Variants in CLSTN2 observed in about 807,000 individuals in gnomAD.
CLSTN2 encodes calsyntenin 2, also known as calsyntenin-2.
A neutral mutation model predicts 101.2 loss-of-function variants in CLSTN2; 48 were observed. The observed-to-expected ratio is 0.47, with a 90% CI of 0.38 to 0.60. The LOEUF (loss-of-function observed/expected upper bound fraction) is 0.60. Ranked by LOEUF, CLSTN2 falls within the 20% of genes least tolerant of loss-of-function variation. The probability of loss-of-function intolerance (pLI) is 0.00; values close to 1 mark genes in which losing one functional copy is unlikely to be tolerated. For synonymous variants in CLSTN2, 481 were observed against 463.6 expected (o/e 1.04, Z -0.48); for missense variants, 1,160 against 1,238.2 (o/e 0.94, Z 0.95).
At chr3:140,261,166 C>A (rs187112199) in intron 2 of CLSTN2, among the ~76,000 whole-genome samples, 2 of 151,110 alleles carry the variant, frequency 1.3e-5, no homozygotes, top group African/African-American at 2.4e-5. Context: ...GGGGGTTATG[C>A]ATTACCTTCT....
At chr3:140,015,414 G>A (rs898805419) in intron 1 of CLSTN2, among the ~76,000 whole-genome samples, 53 of 152,330 alleles carry the variant, frequency 3.5e-4, no homozygotes, top group African/African-American at 1.2e-3. Flanking sequence ...TCACCTGAGA[G>A]AGAGAGATGA....
At chr3:140,154,461 G>C (rs1053793919) in intron 1 of CLSTN2, among the ~76,000 whole-genome samples, 5 of 152,178 alleles carry the variant, frequency 3.3e-5, no homozygotes, top group African/African-American at 9.6e-5. Flanking sequence ...AGCTGGATTA[G>C]TCCATTTTCA....
chr3:140,012,978 G>T (rs911489915), intron 1 of CLSTN2, among the ~76,000 whole-genome samples: 2 of 152,182 alleles, frequency 1.3e-5, no homozygotes, highest in Middle Eastern at 3.4e-3. Flanking sequence ...AGCAGCTTTA[G>T]GGGGAAGAGG....
At chr3:140,396,794 T>G (rs112862044) in intron 2 of CLSTN2, among the ~76,000 whole-genome samples, 14 of 152,354 alleles carry the variant, frequency 9.2e-5, no homozygotes, top group African/African-American at 3.4e-4. Flanking sequence ...TGAGCCGCTC[T>G]GAGGCTGGGA....
intron 1 of CLSTN2, among the ~76,000 whole-genome samples, chr3:140,003,696 T>C (rs982285429): frequency 6.6e-6 from 1 of 152,214 alleles, no homozygotes; most frequent in Admixed American, 6.5e-5. Context: ...TGTTGAGGTA[T>C]GTTTCCTCTA....
chr3:140,411,610 A>G (rs1176514511), intron 4 of CLSTN2, among the ~76,000 whole-genome samples: 1 of 152,264 alleles, frequency 6.6e-6, no homozygotes, highest in Non-Finnish European at 1.5e-5. Flanking sequence ...AAACAGCAGC[A>G]GAATATACAG....
At chr3:140,262,527 T>G (rs1332969916) in intron 2 of CLSTN2, among the ~76,000 whole-genome samples, 2 of 152,158 alleles carry the variant, frequency 1.3e-5, no homozygotes, top group African/African-American at 4.8e-5. Context: ...GAAGTAATAT[T>G]GTTGATGGGG....
At chr3:140,331,589 C>T (rs939931279) in intron 2 of CLSTN2, among the ~76,000 whole-genome samples, 1 of 152,224 alleles carries the variant, frequency 6.6e-6, no homozygotes, top group African/African-American at 2.4e-5. Context: ...TTGACATCTT[C>T]ACCAAGGATA....
At chr3:140,451,924 G>A (rs922921253) in intron 6 of CLSTN2, among the ~76,000 whole-genome samples, 1 of 152,210 alleles carries the variant, frequency 6.6e-6, no homozygotes, top group Admixed American at 6.5e-5. Flanking sequence ...GGATATTAGA[G>A]CCATGGTCTA....
At chr3:139,936,991 C>A (rs1005444718) in intron 1 of CLSTN2, among the ~76,000 whole-genome samples, 2 of 150,966 alleles carry the variant, frequency 1.3e-5, no homozygotes, top group African/African-American at 4.9e-5. Flanking sequence ...AGGGATCAAG[C>A]TGAGAGACTG....
intron 10 of CLSTN2, among the ~76,000 whole-genome samples, chr3:140,553,541 C>T (rs927607586): frequency 6.6e-6 from 1 of 152,102 alleles, no homozygotes; most frequent in Admixed American, 6.6e-5. Context: ...TAAATTTTCC[C>T]AAACAGGCTA....
At chr3:140,421,340 G>A in intron 5 of CLSTN2, 66 bp downstream of exon 5, 1 of 1,567,982 alleles carries the variant, frequency 6.4e-7, no homozygotes, top group Non-Finnish European at 8.7e-7. Context: ...TGGTGTACTT[G>A]TCCTCAAATC....
intron 2 of CLSTN2, among the ~76,000 whole-genome samples, chr3:140,384,489 G>T (rs1250445801): frequency 6.6e-6 from 1 of 152,152 alleles, no homozygotes; most frequent in Admixed American, 6.5e-5. Flanking sequence ...TGAAGAATTA[G>T]CCAGTCATAT....
chr3:140,405,009 G>T (rs2088286594), intron 4 of CLSTN2, among the ~76,000 whole-genome samples: 1 of 152,164 alleles, frequency 6.6e-6, no homozygotes, highest in Non-Finnish European at 1.5e-5. Context: ...AATGTAGTCT[G>T]TACAACTCAC....
intron 8 of CLSTN2, among the ~76,000 whole-genome samples, chr3:140,517,718 G>A (rs1227347531): frequency 6.6e-6 from 1 of 152,184 alleles, no homozygotes; most frequent in East Asian, 1.9e-4. Context: ...CTCTGGTGGA[G>A]GTGGAGGGGA....
At chr3:140,315,193 T>C (rs866933598) in intron 2 of CLSTN2, among the ~76,000 whole-genome samples, 15 of 152,166 alleles carry the variant, frequency 9.9e-5, no homozygotes, top group Non-Finnish European at 1.9e-4. Flanking sequence ...ACCAACCAGA[T>C]TCGGAAGCTG....
chr3:140,471,758 A>G (rs950076755), intron 8 of CLSTN2, among the ~76,000 whole-genome samples: 2 of 152,252 alleles, frequency 1.3e-5, no homozygotes, highest in Non-Finnish European at 2.9e-5. Context: ...AGGTTTAGCC[A>G]CTACACATCT....
intron 4 of CLSTN2, among the ~76,000 whole-genome samples, chr3:140,405,712 C>T (rs1023617687): frequency 1.6e-4 from 25 of 152,220 alleles, no homozygotes; most frequent in Admixed American, 9.8e-4. Flanking sequence ...GTAGTATAAA[C>T]GCCACAACCA....
chr3:140,433,060 G>C (rs1027447885), intron 5 of CLSTN2, among the ~76,000 whole-genome samples: 34 of 152,296 alleles, frequency 2.2e-4, no homozygotes, highest in African/African-American at 7.9e-4. Flanking sequence ...TAGAGATCCT[G>C]CCCAATTTCC....
Sources: gnomAD v4.1 joint callset for allele counts (sites outside exome capture counted in the v4.1 genomes callset) on GRCh38, gnomAD v4.1.1 for gene constraint, MANE v1.5 for transcripts, NCBI Gene and HGNC (gene_info 2026-07-23, HGNC 2026-07-21) for gene names.